Variants in OSGEPL1 observed in about 807,000 individuals in gnomAD.
OSGEPL1 encodes the protein O-sialoglycoprotein endopeptidase like 1.
Under a neutral mutation model 37.2 loss-of-function variants are expected in OSGEPL1, and 26 were observed. The observed-to-expected ratio is 0.70, with a 90% CI of 0.51 to 0.97. The LOEUF (loss-of-function observed/expected upper bound fraction) is 0.97. Among genes scored for constraint, OSGEPL1 ranks in the 50% least tolerant of loss-of-function variants. The pLI is 0.00. For missense variants in OSGEPL1, 404 were observed against 487.0 expected (o/e 0.83, Z 1.60); for synonymous variants, 140 against 159.9 (o/e 0.88, Z 0.94).
chr2:189,758,053 T>G (rs2046346870), intron 2 of OSGEPL1, among the ~76,000 whole-genome samples: 1 of 152,128 alleles, frequency 6.6e-6, no homozygotes, highest in Admixed American at 6.5e-5. Flanking sequence ...TGGTACTGTG[T>G]CGCGATAGTC....
At position 189,755,297 on chromosome 2, in the gene OSGEPL1, T is replaced by G; in HGVS notation, c.485A>C (p.Glu162Ala). The G allele has an allele frequency of 6.2e-7, 1 of 1,613,450 alleles. No homozygotes were observed. The highest frequency in any genetic ancestry group is 8.5e-7 in the Non-Finnish European group (1 of 1,179,720). ...AATCAAAAGAACTAAAAAAGGAAATTCTACTTTATTGGTCAACCTAATAGT... is the reference window on the plus strand; with the variant it reads ...AATCAAAAGAACTAAAAAAGGAAATGCTACTTTATTGGTCAACCTAATAGT... ...ALTIRLTNKVEFPFLVLLISG... is the reference protein window; with the variant it reads ...ALTIRLTNKVAFPFLVLLISG... The change falls in exon 3 of 9, where the codon GAA becomes GCA. Residue 162 changes from glutamate to alanine, a missense_variant. By Grantham distance (107) the Glu-to-Ala change is moderately radical (BLOSUM62 -1). Transcript: ENST00000264151.
Position 189,754,024 on chromosome 2 carries a change from A to C in OSGEPL1, c.855T>G (p.Ile285Met). 2 of 1,613,596 alleles carry C rather than the reference A, an allele frequency of 1.2e-6. No homozygotes were observed. Among genetic ancestry groups the C allele is most frequent in the Non-Finnish European group, 1.7e-6 (2 of 1,179,782 alleles). Residue 285 changes from isoleucine to methionine, a missense_variant, in exon 5 of 9, where the codon ATT becomes ATG. Physicochemically the swap from Ile to Met is conservative, Grantham distance 10. Coordinates refer to ENST00000264151, the MANE Select transcript of OSGEPL1 (RefSeq NM_022353.3). ...KGQILSSAAD[I>M]AATVQHTMAC... ...CCATTGTGTGCTGTACTGTGGCAGC[A>C]ATGTCTGCTGCTGAAGACAGGATTT...
chr2:189,762,956 C>T, upstream of OSGEPL1: 1 of 985,374 alleles, frequency 1.0e-6, no homozygotes, highest in Non-Finnish European at 1.2e-6. Flanking sequence ...TGTAAAATTA[C>T]ACAGCTAGTG....
chr2:189,760,877 T>C (rs571324994), intron 2 of OSGEPL1, among the ~76,000 whole-genome samples: 1 of 152,318 alleles, frequency 6.6e-6, no homozygotes, highest in South Asian at 2.1e-4. Context: ...CATTCCCACA[T>C]GACAACTGGC....
chr2:189,751,690 C>T (rs1041272618), intron 7 of OSGEPL1, among the ~76,000 whole-genome samples: 1 of 151,530 alleles, frequency 6.6e-6, no homozygotes, highest in Non-Finnish European at 1.5e-5. Context: ...GATGATCTGC[C>T]CACCTCAGCC....
chr2:189,762,811 G>A (rs1051725516), upstream of OSGEPL1: 3 of 985,512 alleles, frequency 3.0e-6, no homozygotes, highest in Non-Finnish European at 3.6e-6. Flanking sequence ...AACTGTGCAA[G>A]GTCCCGTCCA....
At chr2:189,762,612 G>C (rs1053703614) in intron 1 of OSGEPL1, 73 bp downstream of exon 1, 16 of 985,298 alleles carry the variant, frequency 1.6e-5, no homozygotes, top group Non-Finnish European at 1.9e-5. Context: ...AGGCGGCGAC[G>C]GGCGCAAACT....
In OSGEPL1 at chr2:189,755,175, T is replaced by G. The variant is rs1450713329; in HGVS notation, c.607A>C (p.Lys203Gln). ...TGGAGAAATTAATTCTTAATTACCT[T>G]GTCAAGCATGTCACCTGGTGCTATG... ...LDIAPGDMLD[K>Q]VARRLSLIKH... Residue 203 changes from lysine (K) to glutamine (Q), a missense_variant and splice_region_variant, in exon 3 of 9, where the codon AAG (lysine) becomes CAG (glutamine). Transcript: ENST00000264151. 2 of 1,599,856 alleles carry G rather than the reference T, an allele frequency of 1.3e-6. No individual in the cohort carries two copies. Among genetic ancestry groups the G allele is most frequent in the Non-Finnish European group, 1.7e-6 (2 of 1,176,782 alleles).
intron 8 of OSGEPL1, among the ~76,000 whole-genome samples, chr2:189,749,233 G>T (rs1443667760): frequency 8.0e-6 from 1 of 124,890 alleles, no homozygotes; most frequent in Non-Finnish European, 1.6e-5. Flanking sequence ...ACAACAGAGC[G>T]AGACTCTGTC....
At chr2:189,756,764 GTTCAACAGTCTTCTA>G (rs2046149372) in intron 2 of OSGEPL1, among the ~76,000 whole-genome samples, 1 of 152,192 alleles carries the variant, frequency 6.6e-6, no homozygotes, top group Admixed American at 6.5e-5. Flanking sequence ...ATCTCAGTCT[GTTCAACAGTCTTCTA>G]ATTGTACTTT....
chr2:189,762,674 A>G lies in OSGEPL1; in HGVS notation c.-21+11T>C. 1.0e-6 allele frequency: 1 copy of G among 985,172 alleles called. No homozygotes were observed. Among genetic ancestry groups the G allele is most frequent in the Non-Finnish European group, 1.2e-6 (1 of 829,878 alleles). 61.0% of individuals were successfully genotyped at this position (985,172 alleles called of 1,614,324 possible). A position where few individuals can be genotyped will look rare whatever the true frequency, so the allele number is the denominator to read the frequency against. ...GCGTCAGTGGGGTGAAGAGTGAGCA[A>G]TTTCACCCACCTTCCACTTGGGCGG... is the stretch of plus-strand genomic sequence containing the variant. On this transcript the variant is annotated intron_variant, in intron 1 of 8. Transcript: ENST00000264151.
chr2:189,751,467 T>C lies in OSGEPL1; in HGVS notation c.1167-811A>G, dbSNP rs532983402. On this transcript the variant is annotated intron_variant, in intron 7 of 8. Coordinates refer to ENST00000264151, the MANE Select transcript of OSGEPL1 (RefSeq NM_022353.3). ...GTGTTTTTTTTTTTTTTTTTTGAGA[T>C]GGAGTCTCACTCTGTCACCCGGGCT... is the stretch of plus-strand genomic sequence containing the variant. Among the ~76,000 whole-genome samples the C allele has an allele frequency of 1.5e-3, 210 of 139,350 alleles. 1 individual carries two copies. The highest frequency in any genetic ancestry group is 5.6e-3 in the African/African-American group (203 of 36,070). 91.4% of individuals were successfully genotyped at this position (139,350 alleles called of 152,430 possible). A position where few individuals can be genotyped will look rare whatever the true frequency, so the allele number is the denominator to read the frequency against.
chr2:189,760,367 G>A (rs537664128), intron 2 of OSGEPL1, among the ~76,000 whole-genome samples: 14 of 152,154 alleles, frequency 9.2e-5, no homozygotes, highest in East Asian at 3.9e-4. Context: ...AAGACGGGGC[G>A]GCTGCCGGGC....
At position 189,755,207 on chromosome 2, in the gene OSGEPL1, G is replaced by T; in HGVS notation, c.575C>A (p.Ser192Tyr). Residue 192 changes from serine to tyrosine, a missense_variant, in exon 3 of 9, where the codon TCT becomes TAT. By Grantham distance (144) the Ser-to-Tyr change is moderately radical. Transcript: ENST00000264151. Reference protein sequence around the residue: ...GVSDFLLLGKSLDIAPGDMLD... With the variant: ...GVSDFLLLGKYLDIAPGDMLD... ...CATGTCACCTGGTGCTATGTCCAAA[G>T]ACTTTCCAAGAAGCAGAAAATCTGA... 1 of 1,611,750 alleles carries T rather than the reference G, an allele frequency of 6.2e-7. No individual in the cohort carries two copies. Among genetic ancestry groups the T allele is most frequent in the Non-Finnish European group, 8.5e-7 (1 of 1,179,352 alleles).
chr2:189,753,305 G>GA (rs1183749707), intron 5 of OSGEPL1, among the ~76,000 whole-genome samples: 1 of 151,938 alleles, frequency 6.6e-6, no homozygotes, highest in Non-Finnish European at 1.5e-5. Context: ...ACATAACTCT[G>GA]AAAAAATTAT....
chr2:189,758,082 C>T (rs2106046291), intron 2 of OSGEPL1, among the ~76,000 whole-genome samples: 1 of 152,108 alleles, frequency 6.6e-6, no homozygotes, highest in South Asian at 2.1e-4. Context: ...CTCATGAGAT[C>T]TTGTTGTTTA....
chr2:189,758,120 C>T (rs1001586996), intron 2 of OSGEPL1, among the ~76,000 whole-genome samples: 9 of 152,098 alleles, frequency 5.9e-5, no homozygotes, highest in Non-Finnish European at 8.8e-5. Flanking sequence ...TGGTGGTTCA[C>T]GCCTGTAATC....
chr2:189,763,066 C>T (rs1483784023), upstream of OSGEPL1: 5 of 984,906 alleles, frequency 5.1e-6, no homozygotes, highest in African/African-American at 8.8e-5. Flanking sequence ...TTGCCCTTGG[C>T]TGGAATTTGG....
Position 189,759,194 on chromosome 2 carries a change from T to C in OSGEPL1, c.221+2226A>G, listed in dbSNP as rs969801548. Among the ~76,000 whole-genome samples, 20 of 152,302 alleles carry C rather than the reference T, an allele frequency of 1.3e-4. 1 individual carries two copies. The highest frequency in any genetic ancestry group is 8.5e-4 in the Admixed American group (13 of 15,298). On this transcript the variant is annotated intron_variant, in intron 2 of 8. Coordinates refer to ENST00000264151, the MANE Select transcript of OSGEPL1 (RefSeq NM_022353.3). The stretch of plus-strand genomic sequence containing the variant: ...TTGTTTGAGGCTCAATCTGCCTCTT[T>C]ACATACATTATTTCTAATGCCACCC...
Sources: gnomAD v4.1 joint callset for allele counts (sites outside exome capture counted in the v4.1 genomes callset) on GRCh38, gnomAD v4.1.1 for gene constraint, MANE v1.5 for transcripts, NCBI Gene and HGNC (gene_info 2026-07-23, HGNC 2026-07-21) for gene names.